Variants in CAPN14 observed in about 807,000 individuals in gnomAD.
CAPN14 encodes the protein calpain-14.
CAPN14 carries 94 observed loss-of-function variants against 101.3 expected under a neutral mutation model. The observed-to-expected ratio is 0.93, with a 90% confidence interval of 0.79 to 1.10. CAPN14 has a LOEUF of 1.10. CAPN14 is among the 50% of genes least tolerant of loss of function. CAPN14 has a pLI of 0.00. For synonymous variants in CAPN14, 338 were observed against 317.9 expected (o/e 1.06, Z -0.67); for missense variants, 837 against 828.4 (o/e 1.01, Z -0.13).
chr2:31,177,043 C>A lies in CAPN14; in HGVS notation c.1955G>T (p.Arg652Leu), dbSNP rs375553136. The A allele has an allele frequency of 6.4e-7, 1 of 1,551,272 alleles. No individual in the cohort carries two copies. Among genetic ancestry groups the A allele is most frequent in the Non-Finnish European group, 8.7e-7 (1 of 1,146,654 alleles). The change falls in exon 20 of 22, where the codon CGT (arginine) becomes CTT (leucine). Residue 652 changes from arginine to leucine, a missense_variant. Transcript: ENST00000403897. Reference protein sequence around the residue: ...DFVSFIHLMLRVENMEDVFQN... With the variant: ...DFVSFIHLMLLVENMEDVFQN... ...CAGCTTACCCTCCATGTTCTCTACA[C>A]GCAGCATCAAGTGGATGAAACTGAC...
intron 1 of CAPN14, chr2:31,226,677 G>C (rs191205863): frequency 4.7e-4 from 72 of 152,256 alleles, no homozygotes; most frequent in Admixed American, 4.4e-3. Context: ...AGATATATTT[G>C]GGTTTGGAAC....
At chr2:31,225,206 T>G (rs916931893) in intron 2 of CAPN14, among the ~76,000 whole-genome samples, 1 of 152,012 alleles carries the variant, frequency 6.6e-6, no homozygotes, top group Non-Finnish European at 1.5e-5. Context: ...ATTTCAAAAC[T>G]TTTTCATAAT....
chr2:31,179,060 C>CTTTATATATA (rs777643218), intron 17 of CAPN14, among the ~76,000 whole-genome samples: 6 of 69,212 alleles, frequency 8.7e-5, no homozygotes, highest in African/African-American at 3.7e-4. Flanking sequence ...TTATTGAGTT[C>CTTTATATATA]TATATATATA....
chr2:31,180,855 G>T, intron 17 of CAPN14, 81 bp downstream of exon 17: 1 of 1,210,258 alleles, frequency 8.3e-7, no homozygotes, highest in Non-Finnish European at 1.2e-6. Context: ...ATTGGGGTTG[G>T]GATTCAAATA....
chr2:31,211,440 T>TAA (rs750484857), intron 1 of CAPN14, among the ~76,000 whole-genome samples: 1 of 152,122 alleles, frequency 6.6e-6, no homozygotes, highest in African/African-American at 2.4e-5. Flanking sequence ...GTATTCTTTT[T>TAA]AAAACAGCAA....
intron 5 of CAPN14, 104 bp from the exon 6 acceptor site, chr2:31,200,729 T>C (rs983348892): frequency 4.4e-6 from 5 of 1,149,106 alleles, no homozygotes; most frequent in Non-Finnish European, 6.0e-6. Context: ...AGTTTTCTCA[T>C]ACCAAAAGCA....
rs1206570670 is a variant in CAPN14 at position 31,201,887 on chromosome 2, C to T, written c.526G>A (p.Ala176Thr). 4 of 1,551,630 alleles carry T rather than the reference C, an allele frequency of 2.6e-6. No individual in the cohort carries two copies. Among genetic ancestry groups the T allele is most frequent in the Non-Finnish European group, 3.5e-6 (4 of 1,147,004 alleles). ...TTGGCATAGGCCTTTTCCAGAAGTG[C>T]TCCCCAGAACAAGTTCTTATAGGTG... ...SSTYKNLFWG[A>T]LLEKAYAKLS... The change falls in exon 5 of 22, where the codon GCA becomes ACA. Residue 176 changes from alanine (A) to threonine (T), a missense_variant. Transcript: ENST00000403897.
chr2:31,210,497 G>C (rs1213645254), intron 1 of CAPN14, among the ~76,000 whole-genome samples: 3 of 128,140 alleles, frequency 2.3e-5, no homozygotes, highest in Non-Finnish European at 4.9e-5. Flanking sequence ...TAAAAGTTCA[G>C]TCAGACTGCA....
rs997010717 is a variant in CAPN14 at position 31,208,961 on chromosome 2, T to G, written c.-52-3462A>C. 6.6e-5 allele frequency among the ~76,000 whole-genome samples: 10 copies of G among 152,094 alleles called. No individual in the cohort carries two copies. In the East Asian group the frequency reaches 1.9e-3, roughly 29 times the overall value. ...CCAGGTTGTTCTGCAGTGTTTTGCA[T>G]GTCAGCATTACTATTATTTTTTATT... On this transcript the variant is annotated intron_variant, in intron 1 of 21. Transcript: ENST00000403897.
chr2:31,181,089 C>T, intron 16 of CAPN14, 89 bp from the exon 17 acceptor site: 2 of 969,836 alleles, frequency 2.1e-6, no homozygotes, highest in Admixed American at 4.3e-5. Context: ...CTGCATGGGC[C>T]AGCTGATGAC....
At chr2:31,208,112 G>C (rs948403473) in intron 1 of CAPN14, among the ~76,000 whole-genome samples, 4 of 151,908 alleles carry the variant, frequency 2.6e-5, no homozygotes, top group Non-Finnish European at 5.9e-5. Flanking sequence ...TTCTAACCCA[G>C]GTCACAGAAA....
chr2:31,200,394 A>C, intron 6 of CAPN14, 57 bp downstream of exon 6: 2 of 1,454,466 alleles, frequency 1.4e-6, no homozygotes, highest in Admixed American at 4.1e-5. Context: ...GTGGTGGTGG[A>C]TGGAGGGCAT....
At chr2:31,229,036 G>T (rs975859046) in intron 1 of CAPN14, among the ~76,000 whole-genome samples, 7 of 152,182 alleles carry the variant, frequency 4.6e-5, no homozygotes, top group African/African-American at 1.7e-4. Context: ...AGTTCCAGGG[G>T]CATTACATGC....
chr2:31,208,534 T>C (rs1682222001), intron 1 of CAPN14, among the ~76,000 whole-genome samples: 1 of 152,190 alleles, frequency 6.6e-6, no homozygotes, highest in Non-Finnish European at 1.5e-5. Flanking sequence ...CACAGGTTCC[T>C]CTCACCCTCC....
At chr2:31,178,440 C>A in intron 18 of CAPN14, 71 bp downstream of exon 18, 2 of 1,203,378 alleles carry the variant, frequency 1.7e-6, no homozygotes, top group Non-Finnish European at 2.4e-6. Context: ...ACAGAAGTAT[C>A]TTCTACAGCT....
Position 31,176,984 on chromosome 2 carries a change from G to T in CAPN14, c.1972+42C>A, listed in dbSNP as rs1169181337. On this transcript the variant is annotated intron_variant, in intron 20 of 21. Transcript: ENST00000403897. ...GGGACAGGTGGGAAGTCATGGGGCA[G>T]CAGAGGAAGACCTGGCCCTCCCCAG... is the stretch of plus-strand genomic sequence containing the variant. The T allele has an allele frequency of 4.4e-6, 6 of 1,376,042 alleles. No individual in the cohort carries two copies. The African/African-American group carries it at 8.7e-5, about 20-fold the overall frequency. 85.2% of individuals were successfully genotyped at this position (1,376,042 alleles called of 1,614,324 possible).
chr2:31,177,239 C>T (rs1325603724), intron 19 of CAPN14, 97 bp from the exon 20 acceptor site: 2 of 705,546 alleles, frequency 2.8e-6, no homozygotes, highest in Non-Finnish European at 4.8e-6. Context: ...AGTTTAGGGA[C>T]CTGAATCCTG....
intron 8 of CAPN14, among the ~76,000 whole-genome samples, chr2:31,195,543 G>T (rs545482724): frequency 6.6e-6 from 1 of 152,212 alleles, no homozygotes; most frequent in Non-Finnish European, 1.5e-5. Flanking sequence ...TACCATGTTG[G>T]CCGGGCTGGT....
intron 17 of CAPN14, among the ~76,000 whole-genome samples, chr2:31,180,414 A>C (rs1336043279): frequency 6.6e-6 from 1 of 152,176 alleles, no homozygotes; most frequent in Non-Finnish European, 1.5e-5. Context: ...CCACTTAGAA[A>C]GGCAGTGTGT....
Sources: gnomAD v4.1 joint callset for allele counts (sites outside exome capture counted in the v4.1 genomes callset) on GRCh38, gnomAD v4.1.1 for gene constraint, MANE v1.5 for transcripts, NCBI Gene and HGNC (gene_info 2026-07-23, HGNC 2026-07-21) for gene names.